Variants in CCPG1 observed in about 807,000 individuals in gnomAD.
CCPG1 encodes cell cycle progression 1, also known as cell cycle progression protein 1.
In CCPG1, 46 loss-of-function variants were observed where a neutral mutation model predicts 81.3. The ratio of observed to expected loss-of-function variants is 0.57; its 90% CI spans 0.45 to 0.72. CCPG1 has a LOEUF of 0.72. Among genes scored for constraint, CCPG1 ranks in the 30% least tolerant of loss-of-function variants. The pLI, the probability that CCPG1 is intolerant of heterozygous loss-of-function variation, is 0.00. For synonymous variants in CCPG1, 330 were observed against 305.2 expected, an observed-to-expected ratio of 1.08 and a Z score of -0.85; for missense variants, 902 against 937.6, an observed-to-expected ratio of 0.96 and a Z score of 0.50.
At position 55,369,457 on chromosome 15, in the gene CCPG1, C is replaced by A. The variant is rs905126174; in HGVS notation, c.706+2336G>T. 3.9e-5 allele frequency among the ~76,000 whole-genome samples: 6 copies of A among 151,980 alleles called. No homozygotes were observed. The South Asian group carries it at 1.2e-3, about 32-fold the overall frequency. On this transcript the variant is annotated intron_variant, in intron 6 of 8. Transcript: ENST00000442196. ...GGCTGAGGCAGGAGAATTGCTTGAA[C>A]CCGGGAGGCGAAGGTTGCGGTGAGC... is the stretch of plus-strand genomic sequence containing the variant.
intron 3 of CCPG1, among the ~76,000 whole-genome samples, chr15:55,379,161 C>CGT (rs57640801): frequency 0.13 from 18,160 of 134,528 alleles, 1,331 homozygotes; most frequent in Non-Finnish European, 0.15. Context: ...TGTATATGTA[C>CGT]GTGTGTGTGT....
chr15:55,392,254 C>T (rs1481531397), intron 1 of CCPG1, among the ~76,000 whole-genome samples: 1 of 145,504 alleles, frequency 6.9e-6, no homozygotes, highest in Non-Finnish European at 1.5e-5. Context: ...ACTCTGTCAC[C>T]AGGCTGGAGT....
At chr15:55,393,382 G>A (rs2056960037) in intron 1 of CCPG1, among the ~76,000 whole-genome samples, 1 of 152,176 alleles carries the variant, frequency 6.6e-6, no homozygotes, top group Admixed American at 6.5e-5. Flanking sequence ...CAAAGTTGCA[G>A]TGAGCTATGA....
intron 1 of CCPG1, among the ~76,000 whole-genome samples, chr15:55,392,028 TAA>T (rs71437812): frequency 0.16 from 16,943 of 103,814 alleles, 1,354 homozygotes; most frequent in African/African-American, 0.27. Context: ...TTCTGATTCC[TAA>T]AAAAAAAAAA....
chr15:55,365,515 G>A (rs1211843396), intron 6 of CCPG1, among the ~76,000 whole-genome samples: 1 of 148,032 alleles, frequency 6.8e-6, no homozygotes, highest in African/African-American at 2.5e-5. Flanking sequence ...CTGCCTCCCT[G>A]GTTCAAGCAA....
chr15:55,359,326 G>C, intron 8 of CCPG1: 1 of 1,259,374 alleles, frequency 7.9e-7, no homozygotes, highest in Non-Finnish European at 1.0e-6. Context: ...ATTTGCTCAA[G>C]TCAAAGTGAT....
chr15:55,368,534 A>G lies in CCPG1; in HGVS notation c.707-3225T>C, dbSNP rs546437395. On this transcript the variant is annotated intron_variant, in intron 6 of 8. Coordinates refer to ENST00000442196, the MANE Select transcript of CCPG1 (RefSeq NM_001204450.2). ...GAGCCGGGTAGTCTATCAATACTTAAAGCAACTCGAGGAGAAAACCAAATC... is the reference window on the plus strand; with the variant it reads ...GAGCCGGGTAGTCTATCAATACTTAGAGCAACTCGAGGAGAAAACCAAATC... Among the ~76,000 whole-genome samples, 46 of 152,302 alleles carry G rather than the reference A, an allele frequency of 3.0e-4. No individual in the cohort carries two copies. The South Asian group carries it at 9.5e-3, about 32-fold the overall frequency.
At chr15:55,387,159 C>A (rs958701517) in intron 2 of CCPG1, among the ~76,000 whole-genome samples, 1 of 152,144 alleles carries the variant, frequency 6.6e-6, no homozygotes, top group Non-Finnish European at 1.5e-5. Flanking sequence ...GATAAAAGTA[C>A]AAATATGATT....
chr15:55,401,622 C>T (rs529704116), intron 1 of CCPG1, among the ~76,000 whole-genome samples: 6 of 150,622 alleles, frequency 4.0e-5, no homozygotes, highest in African/African-American at 1.2e-4. Context: ...GCCGAGACCA[C>T]GCCATTTCAC....
Position 55,385,796 on chromosome 15 carries a change from A to AT in CCPG1, c.61-83dup, listed in dbSNP as rs2056787220. ...TTGACTACATGTAAATGCTTCTTCC[A>AT]TTATTAAAAGTCTCAGATGCTGCCA... On this transcript the variant is annotated intron_variant, in intron 2 of 8. Transcript: ENST00000442196. The AT allele has an allele frequency of 1.2e-5, 9 of 750,932 alleles. No homozygotes were observed. In the African/African-American group the frequency reaches 1.2e-4, roughly 10 times the overall value. 46.5% of individuals were successfully genotyped at this position (750,932 alleles called of 1,614,324 possible).
chr15:55,360,290 C>T lies in CCPG1; in HGVS notation c.1483G>A (p.Ala495Thr). The change falls in exon 8 of 9, where the codon GCC becomes ACC. Residue 495 changes from alanine (A) to threonine (T), a missense_variant. Transcript: ENST00000442196. The stretch of plus-strand genomic sequence containing the variant: ...AACTCCTTGGTAGAATTCTTCATGG[C>T]ATCAAATGTTTCCTTAACTGAACCC... ...FLGSVKETFD[A>T]MKNSTKEFVR... The T allele has an allele frequency of 6.2e-7, 1 of 1,614,014 alleles. No homozygotes were observed. Among genetic ancestry groups the T allele is most frequent in the Non-Finnish European group, 8.5e-7 (1 of 1,180,014 alleles).
At chr15:55,378,840 G>A (rs538882812) in intron 3 of CCPG1, among the ~76,000 whole-genome samples, 2 of 152,042 alleles carry the variant, frequency 1.3e-5, no homozygotes, top group East Asian at 1.9e-4. Context: ...CAAGCGATCC[G>A]CCCACCTTGG....
At chr15:55,376,761 T>C (rs2056574431) in intron 5 of CCPG1, among the ~76,000 whole-genome samples, 188 bp downstream of exon 5, 1 of 152,186 alleles carries the variant, frequency 6.6e-6, no homozygotes, top group Non-Finnish European at 1.5e-5. Context: ...CAGTAAAAGA[T>C]TGCTATGCTC....
chr15:55,395,052 C>G (rs1171133430), intron 1 of CCPG1, among the ~76,000 whole-genome samples: 1 of 152,076 alleles, frequency 6.6e-6, no homozygotes, highest in Non-Finnish European at 1.5e-5. Flanking sequence ...GGCTGCAGCA[C>G]CCAATTAAAG....
intron 1 of CCPG1, among the ~76,000 whole-genome samples, chr15:55,392,040 A>AAG (rs2056929474): frequency 6.6e-6 from 1 of 151,794 alleles, no homozygotes; most frequent in East Asian, 1.9e-4. Context: ...AAAAAAAAAA[A>AAG]AAAAAATCAA....
chr15:55,385,768 G>T (rs2056786759), intron 2 of CCPG1, 54 bp from the exon 3 acceptor site: 1 of 893,748 alleles, frequency 1.1e-6, no homozygotes, highest in Admixed American at 1.9e-5. Flanking sequence ...CTCAAAGCTA[G>T]ATTTGACTAC....
At chr15:55,403,215 G>A (rs2057158905) in intron 1 of CCPG1, among the ~76,000 whole-genome samples, 1 of 151,932 alleles carries the variant, frequency 6.6e-6, no homozygotes, top group Non-Finnish European at 1.5e-5. Flanking sequence ...CCCCCATAAA[G>A]GCAGCTTGCT....
intron 7 of CCPG1, among the ~76,000 whole-genome samples, chr15:55,364,737 G>C (rs1196041946): frequency 1.3e-5 from 2 of 150,544 alleles, no homozygotes; most frequent in African/African-American, 4.8e-5. Flanking sequence ...GCCGGGCATA[G>C]AGGTGCACAC....
intron 6 of CCPG1, among the ~76,000 whole-genome samples, chr15:55,368,481 A>C (rs1446931551): frequency 6.6e-6 from 1 of 152,178 alleles, no homozygotes; most frequent in African/African-American, 2.4e-5. Flanking sequence ...TAGCATCTAG[A>C]TATCTTGTTA....
Sources: gnomAD v4.1 joint callset for allele counts (sites outside exome capture counted in the v4.1 genomes callset) on GRCh38, gnomAD v4.1.1 for gene constraint, MANE v1.5 for transcripts, NCBI Gene and HGNC (gene_info 2026-07-23, HGNC 2026-07-21) for gene names.